Variants in SIGLEC14 observed in about 807,000 individuals in gnomAD.
SIGLEC14 encodes the protein sialic acid binding Ig like lectin 14.
A neutral mutation model predicts 34.2 loss-of-function variants in SIGLEC14; 11 were observed. That is an observed-to-expected ratio of 0.32 (90% CI 0.20 to 0.53). SIGLEC14 has a LOEUF of 0.53. SIGLEC14 is among the 20% of genes least tolerant of loss of function. The pLI, the probability that SIGLEC14 is intolerant of heterozygous loss-of-function variation, is 0.95. For missense variants in SIGLEC14, 264 were observed against 439.0 expected, an observed-to-expected ratio of 0.60 and a Z score of 3.56; for synonymous variants, 99 against 179.7, an observed-to-expected ratio of 0.55 and a Z score of 3.59.
rs1330432996 is a variant in SIGLEC14, at chr19:51,639,737, T to C, written c.*3618A>G. The C allele has an allele frequency of 1.4e-5, 2 of 139,408 alleles. No homozygotes were observed. The highest frequency in any genetic ancestry group is 3.1e-5 in the Non-Finnish European group (2 of 65,076). The allele number at this position is 139,408 out of a possible 1,614,324, so 8.6% of individuals were successfully genotyped here. A position where few individuals can be genotyped will look rare whatever the true frequency, so the allele number is the denominator to read the frequency against. ...GCCCCAACCTTTTAATACCATCACC[T>C]TGAGGTTTAAGATTTCAACATATAA... On this transcript the variant is annotated 3_prime_UTR_variant, in exon 7 of 7. Transcript: ENST00000360844.
chr19:51,643,824 G>C lies in SIGLEC14; in HGVS notation c.967C>G (p.His323Asp), dbSNP rs756249241. The C allele has an allele frequency of 2.0e-5, 30 of 1,529,390 alleles. 5 individuals carry two copies. In the Admixed American group the frequency reaches 4.8e-4, roughly 25 times the overall value. 94.7% of individuals were successfully genotyped at this position (1,529,390 alleles called of 1,614,324 possible). A position where few individuals can be genotyped will look rare whatever the true frequency, so the allele number is the denominator to read the frequency against. The part of the protein sequence containing the change: ...EGGEFTCRVQ[H>D]PLGSQHLSFI... ...GACAGGTGCTGGGAGCCCAGCGGAT[G>C]CTGAACCCGGCAGGTGAATTCCCCT... The change falls in exon 5 of 7, where the codon CAT (histidine) becomes GAT (aspartate). Residue 323 changes from histidine to aspartate, a missense_variant. This residue lies in a region of SIGLEC14 where 149 missense variants were observed against 184.4 expected (regional missense o/e 0.81). Transcript: ENST00000360844.
At position 51,643,910 on chromosome 19, in the gene SIGLEC14, T is replaced by C; in HGVS notation, c.881A>G (p.Asn294Ser). 1 of 1,534,110 alleles carries C rather than the reference T, an allele frequency of 6.5e-7. No homozygotes were observed. Among genetic ancestry groups the C allele is most frequent in the Non-Finnish European group, 8.8e-7 (1 of 1,141,702 alleles). Residue 294 changes from asparagine to serine, a missense_variant, in exon 5 of 7, where the codon AAT becomes AGT. Asn to Ser is a conservative substitution (Grantham distance 46). Transcript: ENST00000360844. Reference sequence around the variant, plus strand: ...CCCAGACATTGAGGTCTGGGAAGGATTGAGGGCTTTTCCCTCCCGGAACCA... The same window carrying C: ...CCCAGACATTGAGGTCTGGGAAGGACTGAGGGCTTTTCCCTCCCGGAACCA... ...LSWFREGKAL[N>S]PSQTSMSGTL...
At position 51,643,729 on chromosome 19, in the gene SIGLEC14, C is replaced by T. The variant is rs201438299; in HGVS notation, c.1012+50G>A. On this transcript the variant is annotated intron_variant, in intron 5 of 6. Transcript: ENST00000360844. ...CCAGGCCTCAGTCCCTCCCACCAAC[C>T]TGAATACCTCACCGGGCTGTCTACC... 2.8e-5 allele frequency: 43 copies of T among 1,517,292 alleles called. 4 individuals carry two copies. In the Admixed American group the frequency reaches 7.2e-4, roughly 26 times the overall value. The allele number at this position is 1,517,292 out of a possible 1,614,324, so 94.0% of individuals were successfully genotyped here.
At chr19:51,645,617 A>C in intron 3 of SIGLEC14, 87 bp from the exon 4 acceptor site, 1 of 1,460,466 alleles carries the variant, frequency 6.8e-7, no homozygotes, top group Non-Finnish European at 9.3e-7. Context: ...GGGCCACAGA[A>C]ACCCACCAGG....
chr19:51,641,334 C>T lies in SIGLEC14; in HGVS notation c.*2021G>A, dbSNP rs542532737. On this transcript the variant is annotated 3_prime_UTR_variant, in exon 7 of 7. Transcript: ENST00000360844. ...ACTTAACCAATATAAAAGACTCTCA[C>T]GGTTGGTGAAAGTGAAAGTTAGTTC... Among the ~76,000 whole-genome samples, 31 of 139,652 alleles carry T rather than the reference C, an allele frequency of 2.2e-4. 7 individuals are homozygous for T. Among genetic ancestry groups the T allele is most frequent in the South Asian group, 7.3e-4 (3 of 4,088 alleles). The allele number at this position is 139,652 out of a possible 152,430, so 91.6% of individuals were successfully genotyped here. A position where few individuals can be genotyped will look rare whatever the true frequency, so the allele number is the denominator to read the frequency against.
rs1983869107 is a variant in SIGLEC14, at chr19:51,639,707, A to C, written c.*3648T>G. 1.4e-5 allele frequency: 2 copies of C among 139,384 alleles called. No homozygotes were observed. The highest frequency in any genetic ancestry group is 2.7e-5 in the African/African-American group (1 of 36,810). The allele number at this position is 139,384 out of a possible 1,614,324, so 8.6% of individuals were successfully genotyped here. A position where few individuals can be genotyped will look rare whatever the true frequency, so the allele number is the denominator to read the frequency against. ...CACCATTATGGGTTAATCACTTTCC[A>C]AAAAGCCCCAACCTTTTAATACCAT... On this transcript the variant is annotated 3_prime_UTR_variant, in exon 7 of 7. Transcript: ENST00000360844.
In SIGLEC14 at chr19:51,641,569, G is replaced by C. The variant is rs939778466; in HGVS notation, c.*1786C>G. On this transcript the variant is annotated 3_prime_UTR_variant, in exon 7 of 7. Coordinates refer to ENST00000360844, the MANE Select transcript of SIGLEC14 (RefSeq NM_001098612.3). ...CTGCCTATCAGTGGTAGACTGGATA[G>C]AGAAAATGTGGTACATATACACCAT... Among the ~76,000 whole-genome samples, 1 of 139,606 alleles carries C rather than the reference G, an allele frequency of 7.2e-6. No individual in the cohort carries two copies. Among genetic ancestry groups the C allele is most frequent in the Non-Finnish European group, 1.5e-5 (1 of 65,130 alleles). The allele number at this position is 139,606 out of a possible 152,430, so 91.6% of individuals were successfully genotyped here.
Position 51,643,936 on chromosome 19 carries a change from G to A in SIGLEC14, c.855C>T (p.Ser285=). The A allele has an allele frequency of 5.2e-6, 8 of 1,534,272 alleles. 1 individual carries two copies. The highest frequency in any genetic ancestry group is 2.9e-5 in the African/African-American group (2 of 67,890). The stretch of plus-strand genomic sequence containing the variant: ...TGAGGGCTTTTCCCTCCCGGAACCA[G>A]CTCAGTGAGGCAGGGGGGTTGCTGT... The part of the protein sequence containing the change: ...TVDSNPPASL[S]WFREGKALNP... The change falls in exon 5 of 7, where the codon AGC becomes AGT. Residue 285 remains serine (S), a synonymous_variant. Transcript: ENST00000360844.
rs1450934426 is a variant in SIGLEC14 at position 51,645,534 on chromosome 19, G to A, written c.701-4C>T. ...ATGGCGAGGTTCTGTGGAGCATCTG[G>A]GATAGAAAGATACAGCACCAGCTTC... is the stretch of plus-strand genomic sequence containing the variant. On this transcript the variant is annotated splice_region_variant and splice_polypyrimidine_tract_variant and intron_variant, in intron 3 of 6. Transcript: ENST00000360844. 2 of 1,531,948 alleles carry A rather than the reference G, an allele frequency of 1.3e-6. No individual in the cohort carries two copies. Among genetic ancestry groups the A allele is most frequent in the Non-Finnish European group, 1.8e-6 (2 of 1,140,414 alleles). The allele number at this position is 1,531,948 out of a possible 1,614,324, so 94.9% of individuals were successfully genotyped here.
chr19:51,642,165 C>A lies in SIGLEC14; in HGVS notation c.*1190G>T, dbSNP rs1232725372. Among the ~76,000 whole-genome samples the A allele has an allele frequency of 2.2e-5, 3 of 137,954 alleles. 1 individual carries two copies. The highest frequency in any genetic ancestry group is 4.6e-5 in the Non-Finnish European group (3 of 64,704). The allele number at this position is 137,954 out of a possible 152,430, so 90.5% of individuals were successfully genotyped here. A position where few individuals can be genotyped will look rare whatever the true frequency, so the allele number is the denominator to read the frequency against. ...ACATAACAAAACTTTTGTGGTGCAG[C>A]AAAAGTGATTAAAGGGAAAATGCAG... is the stretch of plus-strand genomic sequence containing the variant. On this transcript the variant is annotated 3_prime_UTR_variant, in exon 7 of 7. Coordinates refer to ENST00000360844, the MANE Select transcript of SIGLEC14 (RefSeq NM_001098612.3).
Position 51,643,580 on chromosome 19 carries a change from CA to C in SIGLEC14, c.1104del (p.Gly369AlafsTer63). ...LTLIRGALMGAGFLLTYGLTW... is the reference protein window; with the variant it reads ...LTLIRGALMGXGFLLTYGLTW... ...GTGAGGCCATAGGTGAGGAGGAAGC[CA>C]GCCCCCATGAGAGCCCCCCTGATCA... On this transcript the variant is annotated frameshift_variant, in exon 6 of 7. Coordinates refer to ENST00000360844, the MANE Select transcript of SIGLEC14 (RefSeq NM_001098612.3). LOFTEE classifies it low-confidence loss of function (END_TRUNC). 1 of 1,529,268 alleles carries C rather than the reference CA, an allele frequency of 6.5e-7. No individual in the cohort carries two copies. 94.7% of individuals were successfully genotyped at this position (1,529,268 alleles called of 1,614,324 possible).
Position 51,645,486 on chromosome 19 carries a change from T to C in SIGLEC14, c.745A>G (p.Thr249Ala), listed in dbSNP as rs1984012596. 1.3e-6 allele frequency: 2 copies of C among 1,531,216 alleles called. No homozygotes were observed. Among genetic ancestry groups the C allele is most frequent in the Non-Finnish European group, 1.8e-6 (2 of 1,140,466 alleles). The allele number at this position is 1,531,216 out of a possible 1,614,324, so 94.9% of individuals were successfully genotyped here. A position where few individuals can be genotyped will look rare whatever the true frequency, so the allele number is the denominator to read the frequency against. The change falls in exon 4 of 7, where the codon ACA becomes GCA. Residue 249 changes from threonine to alanine, a missense_variant. Physicochemically the swap from Thr to Ala is moderately conservative, Grantham distance 58. This residue lies in a region of SIGLEC14 where 149 missense variants were observed against 184.4 expected (regional missense o/e 0.81). Transcript: ENST00000360844. ...AGAGGGTCTTTCCTACCTGTGCCTG[T>C]GCCATTTCTGAAGAAGATGCTGATG... is the stretch of plus-strand genomic sequence containing the variant. ...LAISIFFRNG[T>A]GTALRILSNG...
In SIGLEC14 at chr19:51,643,549, A is replaced by G. The variant is rs1218546794; in HGVS notation, c.1136T>C (p.Ile379Thr). ...CAGTCCGGCTCACCTGGTATAGTAG[A>G]TCCAGGTGAGGCCATAGGTGAGGAG... is the stretch of plus-strand genomic sequence containing the variant. ...GFLLTYGLTW[I>T]YYTRCGGPQQ... Residue 379 changes from isoleucine to threonine, a missense_variant, in exon 6 of 7, where the codon ATC becomes ACC. By Grantham distance (89) the Ile-to-Thr change is moderately conservative (BLOSUM62 -1). Transcript: ENST00000360844. 4 of 1,520,026 alleles carry G rather than the reference A, an allele frequency of 2.6e-6. 1 individual carries two copies. The African/African-American group carries it at 4.6e-5, about 17-fold the overall frequency. 94.2% of individuals were successfully genotyped at this position (1,520,026 alleles called of 1,614,324 possible).
chr19:51,645,412 A>T lies in SIGLEC14; in HGVS notation c.754+65T>A. 1.4e-6 allele frequency: 2 copies of T among 1,410,222 alleles called. 1 individual carries two copies. Among genetic ancestry groups the T allele is most frequent in the Non-Finnish European group, 1.9e-6 (2 of 1,036,110 alleles). 87.4% of individuals were successfully genotyped at this position (1,410,222 alleles called of 1,614,324 possible). Reference sequence around the variant, plus strand: ...GGGTGAGGGAGGGTCTCCTCTCCCAATGCTGAACCCTGAGCTAATAGAAGG... The same window carrying T: ...GGGTGAGGGAGGGTCTCCTCTCCCATTGCTGAACCCTGAGCTAATAGAAGG... On this transcript the variant is annotated intron_variant, in intron 4 of 6. Transcript: ENST00000360844.
Position 51,643,530 on chromosome 19 carries a change from G to C in SIGLEC14, c.1148+7C>G. ...GGAGCTTCCTGGAGACAGGCAGTCC[G>C]GCTCACCTGGTATAGTAGATCCAGG... On this transcript the variant is annotated splice_region_variant and intron_variant, in intron 6 of 6. Coordinates refer to ENST00000360844, the MANE Select transcript of SIGLEC14 (RefSeq NM_001098612.3). 6.7e-7 allele frequency: 1 copy of C among 1,485,224 alleles called. No homozygotes were observed. The highest frequency in any genetic ancestry group is 1.6e-5 in the African/African-American group (1 of 63,744). The allele number at this position is 1,485,224 out of a possible 1,614,324, so 92.0% of individuals were successfully genotyped here.
chr19:51,644,002 G>A lies in SIGLEC14; in HGVS notation c.789C>T (p.Pro263=). The A allele has an allele frequency of 1.3e-6, 2 of 1,526,526 alleles. 1 individual carries two copies. Among genetic ancestry groups the A allele is most frequent in the South Asian group, 2.4e-5 (2 of 82,184 alleles). The allele number at this position is 1,526,526 out of a possible 1,614,324, so 94.6% of individuals were successfully genotyped here. ...LRILSNGMSV[P]IQEGQSLFLA... is the part of the protein sequence containing the mutation. ...GGAACAGGGACTGGCCCTCCTGGAT[G>A]GGCACCGACATGCCATTGCTCAGGA... The change falls in exon 5 of 7, where the codon CCC becomes CCT. Residue 263 remains proline (P), a synonymous_variant. Coordinates refer to ENST00000360844, the MANE Select transcript of SIGLEC14 (RefSeq NM_001098612.3).
rs1347793622 is a variant in SIGLEC14, at chr19:51,643,459, G to T, written c.1149-62C>A. On this transcript the variant is annotated intron_variant, in intron 6 of 6. Transcript: ENST00000360844. Reference sequence around the variant, plus strand: ...CACTTCAGTTCTAATTCCAGGTGGGGCTGAGCTGTCCTGGGGCAGGACAGC... The same window carrying T: ...CACTTCAGTTCTAATTCCAGGTGGGTCTGAGCTGTCCTGGGGCAGGACAGC... 2.2e-6 allele frequency: 3 copies of T among 1,380,682 alleles called. 1 individual carries two copies. Among genetic ancestry groups the T allele is most frequent in the African/African-American group, 3.5e-5 (2 of 57,700 alleles). The allele number at this position is 1,380,682 out of a possible 1,614,324, so 85.5% of individuals were successfully genotyped here.
At chr19:51,645,632 G>T in intron 3 of SIGLEC14, 102 bp from the exon 4 acceptor site, 1 of 1,448,406 alleles carries the variant, frequency 6.9e-7, no homozygotes, top group South Asian at 1.3e-5. Context: ...ACCAGGTGGG[G>T]ACCGCTGTCC....
In SIGLEC14 at chr19:51,643,358, G is replaced by T; in HGVS notation, c.1188C>A (p.Gly396=). 3.9e-6 allele frequency: 6 copies of T among 1,525,454 alleles called. 1 individual carries two copies. The South Asian group carries it at 7.2e-5, about 18-fold the overall frequency. The allele number at this position is 1,525,454 out of a possible 1,614,324, so 94.5% of individuals were successfully genotyped here. ...GPQQSRAERP[G] ...TTCTGTCTTGAGCGGGAGGGGCTCA[G>T]CCAGGCCTCTCAGCCCTGCTCTGCT... The change falls in exon 7 of 7, where the codon GGC becomes GGA. Residue 396 remains glycine (G), a synonymous_variant. Transcript: ENST00000360844.
Sources: allele counts gnomAD v4.1 joint callset (sites outside exome capture counted in the v4.1 genomes callset), GRCh38; gene constraint gnomAD v4.1.1; regional missense constraint gnomAD v4.1.1; transcripts MANE v1.5; gene names NCBI Gene and HGNC (gene_info 2026-07-23, HGNC 2026-07-21).